Variants in CFI observed in about 807,000 individuals in gnomAD.
The protein encoded by CFI is C3B/C4B inactivator.
Under a neutral mutation model 78.8 loss-of-function variants are expected in CFI, and 66 were observed. The observed-to-expected ratio is 0.84, with a 90% CI of 0.69 to 1.03. CFI has a LOEUF of 1.03. Among genes scored for constraint, CFI ranks in the 50% least tolerant of loss-of-function variants. CFI has a pLI of 0.00. For synonymous variants in CFI, 250 were observed against 232.6 expected, an observed-to-expected ratio of 1.07 and a Z score of -0.68; for missense variants, 706 against 704.5, an observed-to-expected ratio of 1.00 and a Z score of -0.02.
chr4:109,764,261 A>G (rs957164988), intron 3 of CFI: 5 of 492,560 alleles, frequency 1.0e-5, no homozygotes, highest in African/African-American at 9.7e-5. Flanking sequence ...CGAGTAGGAG[A>G]CAGACAGAAA....
intron 2 of CFI, 80 bp from the exon 3 acceptor site, chr4:109,764,770 A>G: frequency 8.0e-7 from 1 of 1,251,102 alleles, no homozygotes. Flanking sequence ...AAAAATAATA[A>G]TGTACTTAAT....
At position 109,783,372 on chromosome 4, in the gene CFI, T is replaced by C. The variant is rs149603059; in HGVS notation, c.58-16548A>G. Among the ~76,000 whole-genome samples the C allele has an allele frequency of 4.8e-3, 736 of 152,038 alleles. 2 individuals carry two copies. The highest frequency in any genetic ancestry group is 0.037 in the Middle Eastern group (11 of 294). On this transcript the variant is annotated intron_variant, in intron 1 of 12. Coordinates refer to ENST00000394634, the MANE Select transcript of CFI (RefSeq NM_000204.5). ...TCAAAAAATGGGCTAGGGACATGGA[T>C]AGACAATTTTCAAAAGAAGATATAC...
the CFI span, among the ~76,000 whole-genome samples, chr4:109,734,574 C>G: frequency 6.6e-6 from 1 of 152,076 alleles, no homozygotes; most frequent in African/African-American, 2.4e-5. Context: ...GAGGCCAAGG[C>G]GGGCAGATCA....
downstream of CFI, among the ~76,000 whole-genome samples, chr4:109,738,358 A>G (rs189386231): frequency 3.4e-3 from 521 of 152,048 alleles, 27 homozygotes; most frequent in South Asian, 0.06. Context: ...ATGATCCACC[A>G]ACTTTGGTCT....
At chr4:109,746,719 C>T (rs1195855458) in intron 10 of CFI, among the ~76,000 whole-genome samples, 2 of 152,150 alleles carry the variant, frequency 1.3e-5, no homozygotes, top group African/African-American at 4.8e-5. Flanking sequence ...TGTAACTGCT[C>T]AATATGAGGA....
chr4:109,761,460 G>T, intron 4 of CFI, 57 bp downstream of exon 4: 2 of 1,481,100 alleles, frequency 1.4e-6, no homozygotes, highest in East Asian at 2.3e-5. Flanking sequence ...CTATAGGCTT[G>T]GTGTAAAATA....
intron 7 of CFI, among the ~76,000 whole-genome samples, chr4:109,757,229 T>C (rs898305318): frequency 2.7e-5 from 4 of 150,758 alleles, no homozygotes; most frequent in East Asian, 2.0e-4. Context: ...AGAGATGGGG[T>C]TTCACCGTGT....
At chr4:109,747,214 C>T (rs1404780587) in intron 10 of CFI, among the ~76,000 whole-genome samples, 9 of 152,096 alleles carry the variant, frequency 5.9e-5, no homozygotes, top group African/African-American at 2.2e-4. Context: ...GAGACAGGGT[C>T]TCACTCTTTT....
At position 109,740,908 on chromosome 4, in the gene CFI, A is replaced by C; in HGVS notation, c.1737T>G (p.Ser579=). 6.2e-7 allele frequency: 1 copy of C among 1,613,948 alleles called. No individual in the cohort carries two copies. Among genetic ancestry groups the C allele is most frequent in the African/African-American group, 1.3e-5 (1 of 75,046 alleles). The change falls in exon 13 of 13, where the codon TCT becomes TCG. Residue 579 remains serine (S), a synonymous_variant. Transcript: ENST00000394634. ...ISYHVGRPFI[S]QYNV ...GATCACAATTTTATACATTGTACTG[A>C]GAAATAAAAGGCCTTCCTACATGGT...
At chr4:109,759,435 T>C (rs980926337) in intron 6 of CFI, among the ~76,000 whole-genome samples, 31 of 152,186 alleles carry the variant, frequency 2.0e-4, no homozygotes, top group African/African-American at 7.2e-4. Context: ...TGAGAAAATT[T>C]GAACATGGCT....
chr4:109,739,455 G>A (rs1723578552), downstream of CFI, among the ~76,000 whole-genome samples: 1 of 152,092 alleles, frequency 6.6e-6, no homozygotes, highest in South Asian at 2.1e-4. Flanking sequence ...AGAATACACT[G>A]GGGGAAGAAA....
chr4:109,746,549 A>C, intron 10 of CFI, 47 bp from the exon 11 acceptor site: 1 of 1,429,406 alleles, frequency 7.0e-7, no homozygotes. Flanking sequence ...GAAAAAATAT[A>C]AATAGGAATT....
rs369424040 is a variant in CFI, at chr4:109,774,284, C to T, written c.58-7460G>A. ...ATAAGATGACATAAGGTGATAAATG[C>T]TATGTAGGGTAAGAAAGATACAGAA... On this transcript the variant is annotated intron_variant, in intron 1 of 12. Coordinates refer to ENST00000394634, the MANE Select transcript of CFI (RefSeq NM_000204.5). Among the ~76,000 whole-genome samples, 11 of 152,116 alleles carry T rather than the reference C, an allele frequency of 7.2e-5. No homozygotes were observed. In the South Asian group the frequency reaches 1.0e-3, roughly 14 times the overall value.
At chr4:109,742,428 G>A (rs1393203103) in intron 12 of CFI, 63 bp downstream of exon 12, 1 of 1,067,954 alleles carries the variant, frequency 9.4e-7, no homozygotes, top group Admixed American at 1.7e-5. Flanking sequence ...TGTGGTGGGA[G>A]GAGATGTTTG....
intron 11 of CFI, among the ~76,000 whole-genome samples, chr4:109,743,209 TA>T (rs1487795016): frequency 6.5e-4 from 99 of 152,308 alleles, no homozygotes; most frequent in South Asian, 1.2e-3. Flanking sequence ...GGAAGGAGTT[TA>T]TTTTTTTTTT....
the CFI span, among the ~76,000 whole-genome samples, chr4:109,733,723 A>G: frequency 2.0e-5 from 3 of 152,244 alleles, no homozygotes; most frequent in Admixed American, 2.0e-4. Flanking sequence ...ACTGTCAGAA[A>G]TGGGGAGAAT....
At chr4:109,775,457 G>T (rs539627935) in intron 1 of CFI, among the ~76,000 whole-genome samples, 1 of 152,346 alleles carries the variant, frequency 6.6e-6, no homozygotes, top group East Asian at 1.9e-4. Flanking sequence ...GGGGAGGGGC[G>T]TCTGCCATTG....
At chr4:109,734,428 G>T in the CFI span, among the ~76,000 whole-genome samples, 1 of 152,184 alleles carries the variant, frequency 6.6e-6, no homozygotes, top group Non-Finnish European at 1.5e-5. Context: ...TAACTTGGGG[G>T]TTATTGGTGA....
At chr4:109,760,497 G>A in intron 5 of CFI, 26 bp downstream of exon 5, 1 of 1,489,684 alleles carries the variant, frequency 6.7e-7, no homozygotes. Flanking sequence ...GAATTTAGAG[G>A]ATTTAGAGGC....
Sources: gnomAD v4.1 joint callset for allele counts (sites outside exome capture counted in the v4.1 genomes callset) on GRCh38, gnomAD v4.1.1 for gene constraint, MANE v1.5 for transcripts, NCBI Gene and HGNC (gene_info 2026-07-23, HGNC 2026-07-21) for gene names.